Variants in OAS2 observed in about 807,000 individuals in gnomAD.
The protein encoded by OAS2 is 2'-5'-oligoadenylate synthase 2.
OAS2 carries 67 observed loss-of-function variants against 71.3 expected under a neutral mutation model. The observed-to-expected ratio is 0.94, with a 90% CI of 0.77 to 1.15. The LOEUF (loss-of-function observed/expected upper bound fraction) is 1.15. Ranked by LOEUF, OAS2 falls within the 50% of genes most tolerant of loss-of-function variation. The probability of loss-of-function intolerance (pLI) is 0.00; values close to 1 mark genes in which losing one functional copy is unlikely to be tolerated. For missense variants in OAS2, 789 were observed against 822.5 expected (o/e 0.96, Z 0.50); for synonymous variants, 327 against 321.8 (o/e 1.02, Z -0.17).
intron 7 of OAS2, 140 bp downstream of exon 7, chr12:113,005,362 A>G: frequency 1.3e-6 from 1 of 771,374 alleles, no homozygotes; most frequent in African/African-American, 1.7e-5. Context: ...TCATGGCAGT[A>G]ATACTTCACA....
intron 5 of OAS2, among the ~76,000 whole-genome samples, chr12:112,999,386 A>G (rs2044263827): frequency 1.3e-5 from 2 of 152,222 alleles, no homozygotes; most frequent in Admixed American, 1.3e-4. Context: ...ACCGCACTGG[A>G]GACAACTGTA....
rs2044224832 is a variant in OAS2, at chr12:112,995,381, A to G, written c.534A>G (p.Ala178=). The change falls in exon 3 of 10, where the codon GCA becomes GCG. Residue 178 remains alanine (A), a synonymous_variant. Coordinates refer to ENST00000392583, the MANE Select transcript of OAS2 (RefSeq NM_002535.3). ...CAAATGCCAGTCCTGGTGAGTTTGC[A>G]GTCTGCTTCACTGAACTCCAGCAGA... ...DKTNASPGEF[A]VCFTELQQKF... 1 of 1,614,144 alleles carries G rather than the reference A, an allele frequency of 6.2e-7. No individual in the cohort carries two copies. Among genetic ancestry groups the G allele is most frequent in the Non-Finnish European group, 8.5e-7 (1 of 1,179,970 alleles).
At chr12:112,989,446 T>C (rs2044171227) in intron 2 of OAS2, among the ~76,000 whole-genome samples, 2 of 152,170 alleles carry the variant, frequency 1.3e-5, no homozygotes, top group South Asian at 4.1e-4. Context: ...AAGATGTACA[T>C]TGGTTTGGTT....
At chr12:113,006,285 G>A (rs527863300) in intron 7 of OAS2, 128 bp from the exon 8 acceptor site, 1 of 738,788 alleles carries the variant, frequency 1.4e-6, no homozygotes, top group Admixed American at 3.2e-5. Context: ...TTAGACATCA[G>A]TCTTTTAAAT....
chr12:113,010,483 A>G lies in OAS2; in HGVS notation c.*1228A>G, dbSNP rs15895. On this transcript the variant is annotated 3_prime_UTR_variant, in exon 10 of 10. Coordinates refer to ENST00000392583, the MANE Select transcript of OAS2 (RefSeq NM_002535.3). Reference sequence around the variant, plus strand: ...AATAATAATTCTAAAAGAAACTTCTAGAGATCATCTGGCAATCGCTTTTAA... The same window carrying G: ...AATAATAATTCTAAAAGAAACTTCTGGAGATCATCTGGCAATCGCTTTTAA... The G allele has an allele frequency of 0.69, 1,113,087 of 1,612,108 alleles. 391,934 individuals are homozygous for G. Among genetic ancestry groups the G allele is most frequent in the East Asian group, 0.99 (44,378 of 44,852 alleles).
At chr12:112,996,077 C>T (rs2044230153) in intron 3 of OAS2, among the ~76,000 whole-genome samples, 1 of 152,230 alleles carries the variant, frequency 6.6e-6, no homozygotes, top group Non-Finnish European at 1.5e-5. Context: ...GTTGGGATTA[C>T]AGACATGAGC....
chr12:112,986,764 C>T (rs2044141032), intron 1 of OAS2, among the ~76,000 whole-genome samples: 1 of 152,126 alleles, frequency 6.6e-6, no homozygotes, highest in South Asian at 2.1e-4. Context: ...TATCCTCAGG[C>T]CCTGGGACAG....
intron 1 of OAS2, among the ~76,000 whole-genome samples, chr12:112,985,398 A>C (rs12301619): frequency 0.044 from 6,751 of 152,254 alleles, 486 homozygotes; most frequent in African/African-American, 0.15. Context: ...ACTGTCTTCA[A>C]GTTTAGAAAT....
At chr12:112,986,338 A>C (rs907744561) in intron 1 of OAS2, among the ~76,000 whole-genome samples, 3 of 152,196 alleles carry the variant, frequency 2.0e-5, no homozygotes, top group Admixed American at 1.3e-4. Flanking sequence ...TTCGGGTGCC[A>C]GTGGTAGCAG....
At position 112,996,625 on chromosome 12, in the gene OAS2, GT is replaced by G. The variant is rs542564407; in HGVS notation, c.628-892del. On this transcript the variant is annotated intron_variant, in intron 3 of 9. Transcript: ENST00000392583. ...AAGCAGGGAGAATTGGGCAGCTCATGTTTAAGAGCCGAACTCCCCGATGGCT... is the reference window on the plus strand; with the variant it reads ...AAGCAGGGAGAATTGGGCAGCTCATGTTAAGAGCCGAACTCCCCGATGGCT... Among the ~76,000 whole-genome samples, 356 of 152,216 alleles carry G rather than the reference GT, an allele frequency of 2.3e-3. 3 individuals carry two copies. The highest frequency in any genetic ancestry group is 0.017 in the Admixed American group (259 of 15,280).
rs527413463 is a variant in OAS2 at position 112,982,666 on chromosome 12, A to G, written c.177+3881A>G. On this transcript the variant is annotated intron_variant, in intron 1 of 9. Transcript: ENST00000392583. ...GTTGTGTCTTTGGTCTAGTTTTGGT[A>G]TCAGGGTAATGCTGACTTCATAGAA... Among the ~76,000 whole-genome samples the G allele has an allele frequency of 2.6e-5, 4 of 152,262 alleles. No individual in the cohort carries two copies. The South Asian group carries it at 8.3e-4, about 32-fold the overall frequency.
chr12:113,005,167 C>T lies in OAS2; in HGVS notation c.1413C>T (p.Ser471=), dbSNP rs750759253. The T allele has an allele frequency of 6.2e-7, 1 of 1,614,126 alleles. No homozygotes were observed. The highest frequency in any genetic ancestry group is 1.7e-5 in the Admixed American group (1 of 60,026). Residue 471 remains serine (S), a synonymous_variant, in exon 7 of 10, where the codon TCC becomes TCT. Coordinates refer to ENST00000392583, the MANE Select transcript of OAS2 (RefSeq NM_002535.3). ...APRVLSFSLK[S]KVLNESVSFD... ...GGGTGCTGAGCTTCTCTCTGAAATC[C>T]AAAGTCCTCAACGAAAGTGTCAGCT...
At chr12:113,006,718 C>A in intron 8 of OAS2, 118 bp downstream of exon 8, 1 of 818,252 alleles carries the variant, frequency 1.2e-6, no homozygotes, top group Non-Finnish European at 1.9e-6. Flanking sequence ...GGAGAATCTG[C>A]CCACTGGATA....
intron 2 of OAS2, among the ~76,000 whole-genome samples, chr12:112,989,583 G>A (rs929621388): frequency 2.0e-5 from 3 of 152,204 alleles, no homozygotes; most frequent in Non-Finnish European, 4.4e-5. Context: ...GATGATAAAG[G>A]GTTGTGGAGA....
intron 3 of OAS2, among the ~76,000 whole-genome samples, chr12:112,995,713 G>C (rs1339230761): frequency 6.6e-6 from 1 of 152,116 alleles, no homozygotes; most frequent in Non-Finnish European, 1.5e-5. Flanking sequence ...TACCACCGCA[G>C]ATTAGTTTTG....
At chr12:112,986,696 T>G (rs1293768) in intron 1 of OAS2, among the ~76,000 whole-genome samples, 116,129 of 151,916 alleles carry the variant, frequency 0.76, 45,028 homozygotes, top group East Asian at 0.91. Context: ...GGGACAGTTT[T>G]ACCCCCATTC....
At chr12:112,993,014 C>A (rs1403776372) in intron 2 of OAS2, among the ~76,000 whole-genome samples, 3 of 152,170 alleles carry the variant, frequency 2.0e-5, no homozygotes, top group African/African-American at 4.8e-5. Flanking sequence ...TACCCAGAAG[C>A]TGCCACTAGA....
intron 7 of OAS2, among the ~76,000 whole-genome samples, 155 bp downstream of exon 7, chr12:113,005,377 T>C (rs891184072): frequency 1.3e-5 from 2 of 152,086 alleles, no homozygotes; most frequent in Non-Finnish European, 2.9e-5. Context: ...TTCACACTTG[T>C]AGACAATTTT....
chr12:112,983,796 C>T (rs1044925250), intron 1 of OAS2, among the ~76,000 whole-genome samples: 3 of 152,098 alleles, frequency 2.0e-5, no homozygotes, highest in African/African-American at 7.2e-5. Flanking sequence ...GGTCTGTATC[C>T]ATTGTGGTAA....
Sources: gnomAD v4.1 joint callset for allele counts (sites outside exome capture counted in the v4.1 genomes callset) on GRCh38, gnomAD v4.1.1 for gene constraint, MANE v1.5 for transcripts, NCBI Gene and HGNC (gene_info 2026-07-23, HGNC 2026-07-21) for gene names.